Variants in SYNPO2 observed in about 807,000 individuals in gnomAD.
The protein encoded by SYNPO2 is synaptopodin-2.
In SYNPO2, 56 loss-of-function variants were observed where a neutral mutation model predicts 85.0. That is an observed-to-expected ratio of 0.66 (90% confidence interval 0.53 to 0.82). The LOEUF is 0.82. Ranked by LOEUF, SYNPO2 falls within the 40% of genes least tolerant of loss-of-function variation. The pLI is 0.00. For missense variants in SYNPO2, 1,575 were observed against 1,534.2 expected (o/e 1.03, Z -0.44); for synonymous variants, 602 against 591.1 (o/e 1.02, Z -0.27).
At chr4:118,961,096 A>AC (rs1436032380) in intron 1 of SYNPO2, among the ~76,000 whole-genome samples, 32 of 36,470 alleles carry the variant, frequency 8.8e-4, no homozygotes, top group East Asian at 3.2e-3. Flanking sequence ...GGGCTATTTT[A>AC]CCGCCCCCCC....
At chr4:119,032,559 A>G in intron 4 of SYNPO2, 2 of 996,840 alleles carry the variant, frequency 2.0e-6, no homozygotes, top group Non-Finnish European at 2.4e-6. Context: ...TGTCAATCTC[A>G]GCCACCTGTT....
intron 1 of SYNPO2, among the ~76,000 whole-genome samples, chr4:118,851,897 T>C (rs1731425781): frequency 6.6e-6 from 1 of 152,184 alleles, no homozygotes; most frequent in Admixed American, 6.5e-5. Context: ...TTTAATAGTC[T>C]TTTCAGAAAA....
upstream of SYNPO2, chr4:118,888,828 C>T (rs1732260624): frequency 1.7e-5 from 10 of 590,968 alleles, no homozygotes; most frequent in Admixed American, 1.2e-4. Context: ...AGCGCCTCTG[C>T]CTCCTTGAGA....
intron 1 of SYNPO2, among the ~76,000 whole-genome samples, chr4:118,890,717 C>CTCTCTCTCTCTCTCTCTCTT (rs1732340666): frequency 7.0e-6 from 1 of 142,712 alleles, no homozygotes; most frequent in Non-Finnish European, 1.5e-5. Flanking sequence ...CTCTCTCTCT[C>CTCTCTCTCTCTCTCTCTCTT]TCTCTCTCTC....
chr4:119,012,869 T>C (rs1737379909), intron 1 of SYNPO2, among the ~76,000 whole-genome samples: 2 of 152,158 alleles, frequency 1.3e-5, no homozygotes, highest in South Asian at 4.1e-4. Context: ...AAGGCAGCAT[T>C]TTCTGGTTTC....
At chr4:118,953,447 G>A (rs78882642) in intron 1 of SYNPO2, among the ~76,000 whole-genome samples, 7,854 of 152,214 alleles carry the variant, frequency 0.052, 261 homozygotes, top group Middle Eastern at 0.15. Context: ...CAGTGCGGGG[G>A]ATAGGACAGG....
At chr4:118,971,897 T>G (rs1735554104) in intron 1 of SYNPO2, among the ~76,000 whole-genome samples, 1 of 152,202 alleles carries the variant, frequency 6.6e-6, no homozygotes, top group African/African-American at 2.4e-5. Flanking sequence ...TTCCCTCTTT[T>G]GAGAAAGTGT....
intron 1 of SYNPO2, among the ~76,000 whole-genome samples, chr4:118,998,797 C>A (rs143681536): frequency 6.6e-5 from 10 of 152,274 alleles, no homozygotes; most frequent in African/African-American, 2.2e-4. Flanking sequence ...AGTATTATTC[C>A]AATAAATGGA....
At chr4:118,860,898 A>C (rs1038848751) in intron 1 of SYNPO2, among the ~76,000 whole-genome samples, 3 of 151,888 alleles carry the variant, frequency 2.0e-5, no homozygotes, top group African/African-American at 7.3e-5. Flanking sequence ...TTTCCTATAG[A>C]GTTGTTTTAG....
intron 1 of SYNPO2, among the ~76,000 whole-genome samples, chr4:118,994,691 A>T (rs1736525795): frequency 6.6e-6 from 1 of 152,236 alleles, no homozygotes; most frequent in Non-Finnish European, 1.5e-5. Flanking sequence ...GAGTAAATTT[A>T]CATCACATAA....
chr4:119,037,897 A>C, intron 4 of SYNPO2: 1 of 179,268 alleles, frequency 5.6e-6, no homozygotes, highest in Non-Finnish European at 1.1e-5. Context: ...ATACGATGTT[A>C]AGTAATGGCC....
chr4:118,945,479 T>C (rs898942064), intron 1 of SYNPO2, among the ~76,000 whole-genome samples: 1 of 152,194 alleles, frequency 6.6e-6, no homozygotes, highest in African/African-American at 2.4e-5. Flanking sequence ...GAGAAGAAAG[T>C]GAGATGTATT....
rs1732274086 is a variant in SYNPO2 at position 118,888,984 on chromosome 4, C to A, written c.-53C>A. The A allele has an allele frequency of 1.9e-6, 3 of 1,584,686 alleles. No individual in the cohort carries two copies. The highest frequency in any genetic ancestry group is 2.6e-6 in the Non-Finnish European group (3 of 1,154,682). The stretch of plus-strand genomic sequence containing the variant: ...CTGAGTGCGCATCCTCTACCGCACC[C>A]AAGCTTCGTCTGTCTCGTCAAGCTC... On this transcript the variant is annotated 5_prime_UTR_variant, in exon 1 of 5. Coordinates refer to ENST00000307142, the MANE Select transcript of SYNPO2 (RefSeq NM_133477.3).
At chr4:118,887,840 T>C (rs952052237), upstream of SYNPO2, among the ~76,000 whole-genome samples, 3 of 152,196 alleles carry the variant, frequency 2.0e-5, no homozygotes, top group Non-Finnish European at 4.4e-5. Flanking sequence ...GCAGCGTGTC[T>C]GGAAATTTTG....
chr4:118,957,159 C>T (rs1232688322), intron 1 of SYNPO2, among the ~76,000 whole-genome samples: 1 of 152,184 alleles, frequency 6.6e-6, no homozygotes, highest in African/African-American at 2.4e-5. Flanking sequence ...TTTAATGGAT[C>T]TTGGAAACTT....
intron 4 of SYNPO2, among the ~76,000 whole-genome samples, chr4:119,051,486 C>T (rs10009726): frequency 0.37 from 56,201 of 151,618 alleles, 10,441 homozygotes; most frequent in African/African-American, 0.4. Flanking sequence ...CCACCGCGCC[C>T]GGCCGGGAAG....
intron 1 of SYNPO2, among the ~76,000 whole-genome samples, chr4:119,017,338 C>A (rs1252693209): frequency 2.0e-5 from 3 of 152,106 alleles, no homozygotes; most frequent in African/African-American, 2.4e-5. Flanking sequence ...TCTTGCTCTG[C>A]CTCCTCTGAC....
intron 1 of SYNPO2, among the ~76,000 whole-genome samples, chr4:118,880,524 T>C (rs948466656): frequency 3.0e-4 from 45 of 151,868 alleles, no homozygotes; most frequent in Middle Eastern, 6.8e-3. Context: ...CTGAGGCAGT[T>C]GGATCACGAG....
chr4:118,901,637 A>G (rs1360903653), intron 1 of SYNPO2, among the ~76,000 whole-genome samples: 2 of 152,212 alleles, frequency 1.3e-5, no homozygotes, highest in African/African-American at 2.4e-5. Flanking sequence ...GTGAGAGTCA[A>G]TTTCCTTGAA....
Sources: allele counts gnomAD v4.1 joint callset (sites outside exome capture counted in the v4.1 genomes callset), GRCh38; gene constraint gnomAD v4.1.1; transcripts MANE v1.5; gene names NCBI Gene and HGNC (gene_info 2026-07-23, HGNC 2026-07-21).